The following FER1L5 variants were observed in gnomAD, a reference collection of about 807,000 sequenced individuals.
FER1L5 encodes the protein fer-1-like protein 5.
In FER1L5, 187 loss-of-function variants were observed where a neutral mutation model predicts 279.9. The observed-to-expected ratio is 0.67, with a 90% CI of 0.59 to 0.75. The LOEUF (loss-of-function observed/expected upper bound fraction) is 0.75, where lower values mean the gene tolerates loss of function less well. Among genes scored for constraint, FER1L5 ranks in the 30% least tolerant of loss-of-function variants. FER1L5 has a pLI of 0.00. For missense variants in FER1L5, 2,091 were observed against 2,594.4 expected (o/e 0.81, Z 4.21); for synonymous variants, 921 against 989.7 (o/e 0.93, Z 1.30).
At chr2:96,654,227 C>G in intron 8 of FER1L5, 1 of 372,274 alleles carries the variant, frequency 2.7e-6, no homozygotes, top group Non-Finnish European at 4.8e-6. Flanking sequence ...ATTGACCTCT[C>G]TGATCAATTT....
chr2:96,691,926 G>A lies in FER1L5; in HGVS notation c.3177G>A (p.Arg1059=). ...QFRDPQRQDT[R]PPNLPFIYCT... ...GGGACCCCCAGAGGCAGGACACCCG[G>A]CCCCCCAACTTGCCCTTCATCTACT... Residue 1059 remains arginine, a synonymous_variant, in exon 30 of 53, where the codon CGG becomes CGA. Transcript: ENST00000624922. This position sits in a 1 kb window ranked among gnomAD's most constrained non-coding sequence, Gnocchi z 6.0. 1 of 1,531,540 alleles carries A rather than the reference G, an allele frequency of 6.5e-7. No individual in the cohort carries two copies. The highest frequency in any genetic ancestry group is 8.8e-7 in the Non-Finnish European group (1 of 1,140,526). 94.9% of individuals were successfully genotyped at this position (1,531,540 alleles called of 1,614,324 possible). A position where few individuals can be genotyped will look rare whatever the true frequency, so the allele number is the denominator to read the frequency against.
intron 18 of FER1L5, 107 bp downstream of exon 18, chr2:96,670,354 T>C: frequency 7.1e-7 from 1 of 1,403,968 alleles, no homozygotes. Context: ...GGCCACTGGC[T>C]GTTGAGTGTG....
At position 96,691,104 on chromosome 2, in the gene FER1L5, C is replaced by T; in HGVS notation, c.2744-86C>T. ...ACCTGGATGTGAGGGAAGTAATGCC[C>T]CTCTAGGGCCTGTCTCCCGGGTTTG... is the stretch of plus-strand genomic sequence containing the variant. On this transcript the variant is annotated intron_variant, in intron 27 of 52. Transcript: ENST00000624922. The surrounding 1 kb of genome is among the most constrained non-coding windows in gnomAD (Gnocchi z 6.0). 2 of 1,436,444 alleles carry T rather than the reference C, an allele frequency of 1.4e-6. No individual in the cohort carries two copies. The highest frequency in any genetic ancestry group is 1.4e-5 in the African/African-American group (1 of 70,030). 89.0% of individuals were successfully genotyped at this position (1,436,444 alleles called of 1,614,324 possible).
rs566037166 is a variant in FER1L5, at chr2:96,664,584, C to T, written c.1140+1077C>T. On this transcript the variant is annotated intron_variant, in intron 14 of 52. Transcript: ENST00000624922. ...TATGGATGTACCACAGTTTGCTTATCCCTTTCCTTGTTTATGAACATTTCC... is the reference window on the plus strand; with the variant it reads ...TATGGATGTACCACAGTTTGCTTATTCCTTTCCTTGTTTATGAACATTTCC... Among the ~76,000 whole-genome samples, 111 of 152,290 alleles carry T rather than the reference C, an allele frequency of 7.3e-4. 1 individual carries two copies. The highest frequency in any genetic ancestry group is 2.3e-3 in the African/African-American group (97 of 41,552).
At chr2:96,652,647 G>C (rs1296941631) in intron 7 of FER1L5, 2 of 156,152 alleles carry the variant, frequency 1.3e-5, no homozygotes, top group African/African-American at 4.8e-5. Context: ...ATAGCTATGG[G>C]TGTGGCTGGA....
chr2:96,704,058 C>T (rs1197094130), intron 51 of FER1L5, among the ~76,000 whole-genome samples, 157 bp from the exon 52 acceptor site: 5 of 152,070 alleles, frequency 3.3e-5, no homozygotes, highest in African/African-American at 1.2e-4. Context: ...TCAGGTGATC[C>T]ACTCACCTCG....
intron 1 of FER1L5, among the ~76,000 whole-genome samples, chr2:96,645,144 T>G (rs2075061413): frequency 6.6e-6 from 1 of 152,182 alleles, no homozygotes; most frequent in African/African-American, 2.4e-5. Context: ...CAGGATGTCT[T>G]CGTTAGGGTA....
chr2:96,681,489 C>T (rs2076722028), intron 19 of FER1L5, among the ~76,000 whole-genome samples: 1 of 152,116 alleles, frequency 6.6e-6, no homozygotes, highest in Non-Finnish European at 1.5e-5. Flanking sequence ...AGAATGCCTA[C>T]GAAGTTCCAA....
At chr2:96,651,647 T>C (rs1385157316) in intron 6 of FER1L5, among the ~76,000 whole-genome samples, 2 of 151,990 alleles carry the variant, frequency 1.3e-5, no homozygotes, top group Non-Finnish European at 2.9e-5. Context: ...ATTACAGGCA[T>C]GCACCACCAA....
At position 96,691,585 on chromosome 2, in the gene FER1L5, G is replaced by A. The variant is rs1057152943; in HGVS notation, c.3048G>A (p.Ala1016=). 29 of 1,540,316 alleles carry A rather than the reference G, an allele frequency of 1.9e-5. No homozygotes were observed. The highest frequency in any genetic ancestry group is 1.4e-4 in the Admixed American group (7 of 48,904). Residue 1016 remains alanine (A), a synonymous_variant, in exon 29 of 53, where the codon GCG becomes GCA. Transcript: ENST00000624922. The surrounding 1 kb of genome is among the most constrained non-coding windows in gnomAD (Gnocchi z 6.0). ...RLAPNKDKGI[A]PIFLLEGSLA... ...CCCCCAACAAGGACAAGGGCATCGC[G>A]CCCATATTCCTCCTGGAGGGGTCCT...
intron 4 of FER1L5, among the ~76,000 whole-genome samples, chr2:96,648,276 G>T (rs984092037): frequency 2.6e-5 from 4 of 152,234 alleles, no homozygotes; most frequent in Non-Finnish European, 4.4e-5. Flanking sequence ...TACAGAGGGG[G>T]TGATGTTTAA....
chr2:96,696,123 GTATAACCC>G, intron 37 of FER1L5, 46 bp downstream of exon 37: 1 of 1,611,624 alleles, frequency 6.2e-7, no homozygotes. Flanking sequence ...TGTTGACGGG[GTATAACCC>G]TTGGGCCTAA....
intron 24 of FER1L5, 77 bp downstream of exon 24, chr2:96,688,024 G>A (rs949825122): frequency 1.3e-6 from 2 of 1,521,980 alleles, no homozygotes; most frequent in Non-Finnish European, 1.8e-6. Flanking sequence ...GGGAAGAGAT[G>A]GCCTCCCTGC....
intron 1 of FER1L5, among the ~76,000 whole-genome samples, chr2:96,643,601 C>T (rs1240676191): frequency 5.9e-5 from 9 of 152,052 alleles, no homozygotes; most frequent in Non-Finnish European, 1.2e-4. Context: ...CCACCTGCCT[C>T]GGCCTCCCAG....
At chr2:96,648,641 A>G (rs1027064078) in intron 4 of FER1L5, among the ~76,000 whole-genome samples, 1 of 152,214 alleles carries the variant, frequency 6.6e-6, no homozygotes, top group Non-Finnish European at 1.5e-5. Flanking sequence ...TTCCTGGATT[A>G]TTGCTAGAGA....
At position 96,685,373 on chromosome 2, in the gene FER1L5, T is replaced by C. The variant is rs2076882173; in HGVS notation, c.1839T>C (p.Asp613=). 2 of 1,551,302 alleles carry C rather than the reference T, an allele frequency of 1.3e-6. No homozygotes were observed. The highest frequency in any genetic ancestry group is 1.7e-6 in the Non-Finnish European group (2 of 1,146,868). ...TGAAATCCACGCGGAATCCGAAGGATCCAGCTCTCCTCTACCAGTGGGAGA... is the reference window on the plus strand; with the variant it reads ...TGAAATCCACGCGGAATCCGAAGGACCCAGCTCTCCTCTACCAGTGGGAGA... ...DTLKSTRNPK[D]PALLYQWEKL... The change falls in exon 21 of 53, where the codon GAT becomes GAC. Residue 613 remains aspartate (D), a synonymous_variant. Coordinates refer to ENST00000624922, the MANE Select transcript of FER1L5 (RefSeq NM_001293083.2).
chr2:96,704,410 T>G, intron 52 of FER1L5, 48 bp downstream of exon 52: 1 of 1,613,116 alleles, frequency 6.2e-7, no homozygotes, highest in Non-Finnish European at 8.5e-7. Context: ...TCGGGATGAC[T>G]CTGGGGACAG....
At chr2:96,695,966 G>C in intron 36 of FER1L5, 62 bp downstream of exon 36, 1 of 1,605,314 alleles carries the variant, frequency 6.2e-7, no homozygotes, top group Non-Finnish European at 8.5e-7. Context: ...TGGGAGTGGG[G>C]CAGGCCCTGC....
intron 10 of FER1L5, among the ~76,000 whole-genome samples, 152 bp from the exon 11 acceptor site, chr2:96,661,173 A>G (rs780493529): frequency 1.3e-5 from 2 of 152,148 alleles, no homozygotes; most frequent in Non-Finnish European, 2.9e-5. Context: ...GCTTCGTGGT[A>G]CGAGTGACTC....
Sources: gnomAD v4.1 joint callset for allele counts (sites outside exome capture counted in the v4.1 genomes callset) on GRCh38, gnomAD v4.1.1 for gene constraint, Gnocchi (gnomAD v3.1) non-coding constraint, MANE v1.5 for transcripts, NCBI Gene and HGNC (gene_info 2026-07-23, HGNC 2026-07-21) for gene names.